The following KLHL13 variants were observed in gnomAD, a reference collection of about 807,000 sequenced individuals.
The protein encoded by KLHL13 is kelch-like protein 13.
In KLHL13, 10 loss-of-function variants were observed where a neutral mutation model predicts 37.1. The ratio of observed to expected loss-of-function variants is 0.27; its 90% confidence interval spans 0.17 to 0.46. KLHL13 has a LOEUF of 0.46. Ranked by LOEUF, KLHL13 falls within the 20% of genes least tolerant of loss-of-function variation. KLHL13 has a pLI of 1.00. For missense variants in KLHL13, 360 were observed against 509.3 expected (o/e 0.71, Z 2.82); for synonymous variants, 163 against 181.2 (o/e 0.90, Z 0.81).
intron 5 of KLHL13, among the ~76,000 whole-genome samples, chrX:117,903,284 A>G (rs908346550): frequency 9.1e-6 from 1 of 110,478 alleles, no homozygotes; most frequent in Non-Finnish European, 1.9e-5. Context: ...CTCCAAGCAC[A>G]CCTATATCAT....
At chrX:118,083,277 T>C (rs111736374) in intron 1 of KLHL13, among the ~76,000 whole-genome samples, 15,698 of 110,801 alleles carry the variant, frequency 0.14, 1,407 homozygotes, top group African/African-American at 0.33. Flanking sequence ...CATATACCTA[T>C]GCCCTCGTGT....
In KLHL13 at chrX:117,910,677, C is replaced by A. The variant is rs560634416; in HGVS notation, c.571-581G>T. On this transcript the variant is annotated intron_variant, in intron 4 of 6. Transcript: ENST00000262820. The stretch of plus-strand genomic sequence containing the variant: ...AAATAATTTAATAAGATAATTATCC[C>A]TAGGGCAAATTAATTTTCAACATTA... Among the ~76,000 whole-genome samples the A allele has an allele frequency of 1.8e-5, 2 of 111,280 alleles. 1 individual carries two copies. The highest frequency in any genetic ancestry group is 7.5e-4 in the South Asian group (2 of 2,667).
intron 1 of KLHL13, among the ~76,000 whole-genome samples, chrX:117,955,690 A>G (rs1410356343): frequency 1.8e-5 from 2 of 111,900 alleles, no homozygotes; most frequent in African/African-American, 6.5e-5. Context: ...ACGTGGCTCA[A>G]TGGAAGCAAA....
chrX:118,000,032 C>T (rs1409871150), intron 1 of KLHL13, among the ~76,000 whole-genome samples: 1 of 111,939 alleles, frequency 8.9e-6, no homozygotes, highest in Non-Finnish European at 1.9e-5. Flanking sequence ...CAAAGTACTT[C>T]CATAGCTCCT....
At chrX:117,926,049 T>A (rs1312456281) in intron 2 of KLHL13, among the ~76,000 whole-genome samples, 1 of 112,226 alleles carries the variant, frequency 8.9e-6, no homozygotes, top group Non-Finnish European at 1.9e-5. Flanking sequence ...TTAGGCATTT[T>A]TAGTTTGGAT....
At chrX:118,012,505 G>A (rs998666538) in intron 1 of KLHL13, among the ~76,000 whole-genome samples, 6 of 109,931 alleles carry the variant, frequency 5.5e-5, no homozygotes, top group Non-Finnish European at 1.1e-4. Context: ...TTCCTGACTC[G>A]CACCTGTGTC....
chrX:117,938,857 T>C (rs1425876195), intron 2 of KLHL13, among the ~76,000 whole-genome samples: 2 of 111,301 alleles, frequency 1.8e-5, no homozygotes, highest in African/African-American at 3.3e-5. Context: ...CAGCTTTTTT[T>C]TGAGCACCTT....
chrX:117,903,028 C>A (rs1930202294), intron 5 of KLHL13, among the ~76,000 whole-genome samples: 1 of 109,359 alleles, frequency 9.1e-6, no homozygotes, highest in Non-Finnish European at 1.9e-5. Flanking sequence ...ACAATTTGAT[C>A]AAGCCACTGG....
chrX:117,962,079 T>C (rs1353762449), intron 1 of KLHL13, among the ~76,000 whole-genome samples: 2 of 91,741 alleles, frequency 2.2e-5, no homozygotes, highest in Non-Finnish European at 4.1e-5. Flanking sequence ...GGTGTGGTGA[T>C]GCGTGCCTGT....
chrX:118,092,274 A>G (rs192929607), intron 1 of KLHL13, among the ~76,000 whole-genome samples: 1 of 112,226 alleles, frequency 8.9e-6, no homozygotes, highest in Admixed American at 9.5e-5. Flanking sequence ...AACTTTTGAA[A>G]GTTGTTAACA....
upstream of KLHL13, among the ~76,000 whole-genome samples, chrX:117,976,366 T>C (rs2053597751): frequency 8.9e-6 from 1 of 112,063 alleles, no homozygotes; most frequent in African/African-American, 3.2e-5. Context: ...TTAACAACAC[T>C]ATTCCTCACA....
intron 1 of KLHL13, among the ~76,000 whole-genome samples, chrX:118,064,363 A>AG (rs1487206421): frequency 4.5e-5 from 5 of 111,959 alleles, no homozygotes; most frequent in African/African-American, 1.3e-4. Flanking sequence ...TAAAAAAGAA[A>AG]GGTCAGCTTT....
At chrX:118,059,733 C>A (rs901224462) in intron 1 of KLHL13, among the ~76,000 whole-genome samples, 1 of 111,209 alleles carries the variant, frequency 9.0e-6, no homozygotes, top group Admixed American at 9.6e-5. Flanking sequence ...TTGGTCCTAC[C>A]AATTAAATGT....
chrX:118,037,518 C>T (rs1284767118), intron 1 of KLHL13, among the ~76,000 whole-genome samples: 1 of 103,985 alleles, frequency 9.6e-6, no homozygotes, highest in Admixed American at 1.1e-4. Context: ...ACCGCTTATT[C>T]TCACTCATAG....
chrX:117,962,041 A>AAATAATAATAATAATTAT, intron 1 of KLHL13, among the ~76,000 whole-genome samples: 1 of 102,332 alleles, frequency 9.8e-6, no homozygotes, highest in African/African-American at 3.8e-5. Flanking sequence ...TCATCTCTAC[A>AAATAATAATAATAATTAT]AATAATAATA....
At chrX:117,926,516 G>A (rs1240136468) in intron 2 of KLHL13, among the ~76,000 whole-genome samples, 1 of 111,393 alleles carries the variant, frequency 9.0e-6, no homozygotes, top group Non-Finnish European at 1.9e-5. Context: ...GCTGGAAGTC[G>A]TTTCTATTCA....
chrX:117,966,444 TG>T (rs888236717), intron 1 of KLHL13, among the ~76,000 whole-genome samples: 3 of 111,233 alleles, frequency 2.7e-5, no homozygotes, highest in Non-Finnish European at 5.7e-5. Context: ...TCCATGCGCA[TG>T]GGTAGGAAGA....
At chrX:117,939,244 T>A (rs1009158496) in intron 2 of KLHL13, among the ~76,000 whole-genome samples, 4 of 111,830 alleles carry the variant, frequency 3.6e-5, no homozygotes, top group African/African-American at 1.3e-4. Context: ...TCCAGCTTCA[T>A]GCATGTCCCT....
At chrX:118,015,957 C>T (rs2054124176) in intron 1 of KLHL13, among the ~76,000 whole-genome samples, 1 of 111,210 alleles carries the variant, frequency 9.0e-6, no homozygotes, top group Non-Finnish European at 1.9e-5. Context: ...CAGACCCTCA[C>T]AAGTTTTTAA....
Sources: allele counts gnomAD v4.1 joint callset (sites outside exome capture counted in the v4.1 genomes callset), GRCh38; gene constraint gnomAD v4.1.1; transcripts MANE v1.5; gene names NCBI Gene and HGNC (gene_info 2026-07-23, HGNC 2026-07-21).